PTPRR: variants seen among roughly 807,000 people sequenced by gnomAD.
PTPRR encodes the protein receptor-type tyrosine-protein phosphatase R.
A neutral mutation model predicts 77.2 loss-of-function variants in PTPRR; 38 were observed. The ratio of observed to expected loss-of-function variants is 0.49; its 90% confidence interval spans 0.38 to 0.65. The LOEUF (loss-of-function observed/expected upper bound fraction) is 0.65, where lower values mean the gene tolerates loss of function less well. PTPRR is among the 30% of genes least tolerant of loss of function. The probability of loss-of-function intolerance (pLI) is 0.00; values close to 1 mark genes in which losing one functional copy is unlikely to be tolerated. For missense variants in PTPRR, 744 were observed against 799.2 expected (o/e 0.93, Z 0.83); for synonymous variants, 299 against 283.1 (o/e 1.06, Z -0.57).
Position 70,684,354 on chromosome 12 carries a change from G to C in PTPRR, c.1360-90C>G, listed in dbSNP as rs141944378. 2.3e-3 allele frequency: 3,356 copies of C among 1,428,116 alleles called. 17 individuals are homozygous for C. Among genetic ancestry groups the C allele is most frequent in the African/African-American group, 0.012 (859 of 70,426 alleles). The allele number at this position is 1,428,116 out of a possible 1,614,324, so 88.5% of individuals were successfully genotyped here. Reference sequence around the variant, plus strand: ...TGAAAGATCTTCAACGAAATAGCTGGGCTAGTACAAAAGCAACACAGGTTA... The same window carrying C: ...TGAAAGATCTTCAACGAAATAGCTGCGCTAGTACAAAAGCAACACAGGTTA... On this transcript the variant is annotated intron_variant, in intron 9 of 13. Coordinates refer to ENST00000283228, the MANE Select transcript of PTPRR (RefSeq NM_002849.4).
intron 8 of PTPRR, among the ~76,000 whole-genome samples, chr12:70,688,836 T>C (rs1887960798): frequency 6.6e-6 from 1 of 152,204 alleles, no homozygotes; most frequent in Admixed American, 6.5e-5. Context: ...TCTATATACA[T>C]AATGGAGTTC....
chr12:70,758,690 T>C (rs1281435959), intron 4 of PTPRR, among the ~76,000 whole-genome samples: 1 of 152,210 alleles, frequency 6.6e-6, no homozygotes, highest in East Asian at 1.9e-4. Context: ...GGCCTGGTGG[T>C]TCACCTCCTC....
intron 6 of PTPRR, among the ~76,000 whole-genome samples, chr12:70,729,322 A>ATCTG (rs1420001936): frequency 4.3e-5 from 5 of 116,214 alleles, no homozygotes; most frequent in Non-Finnish European, 7.8e-5. Context: ...ATTTGTATCT[A>ATCTG]TCTGTCTATC....
chr12:70,840,498 CT>C (rs1892378179), intron 2 of PTPRR, among the ~76,000 whole-genome samples: 1 of 152,110 alleles, frequency 6.6e-6, no homozygotes, highest in African/African-American at 2.4e-5. Context: ...ATGTGGACAT[CT>C]TTGTGGGGCC....
At chr12:70,716,145 G>T (rs1889020224) in intron 6 of PTPRR, among the ~76,000 whole-genome samples, 1 of 152,066 alleles carries the variant, frequency 6.6e-6, no homozygotes, top group Non-Finnish European at 1.5e-5. Context: ...ACATAAAGCA[G>T]CCTCTTTACC....
intron 2 of PTPRR, among the ~76,000 whole-genome samples, chr12:70,794,584 A>G (rs1592761482): frequency 2.0e-5 from 3 of 152,176 alleles, no homozygotes; most frequent in African/African-American, 2.4e-5. Context: ...TAACTAACGA[A>G]CACACACAAA....
rs539624170 is a variant in PTPRR, at chr12:70,793,605, C to T, written c.358-28827G>A. ...TGTGAGAAAGTTAGCCAAAGCATTA[C>T]TAGAAAAACACCTGGGAAAGCTTCA... On this transcript the variant is annotated intron_variant, in intron 2 of 13. Coordinates refer to ENST00000283228, the MANE Select transcript of PTPRR (RefSeq NM_002849.4). Among the ~76,000 whole-genome samples the T allele has an allele frequency of 7.9e-5, 12 of 152,230 alleles. No homozygotes were observed. In the East Asian group the frequency reaches 2.3e-3, roughly 29 times the overall value.
chr12:70,807,051 G>A (rs1426219079), intron 2 of PTPRR, among the ~76,000 whole-genome samples: 2 of 152,152 alleles, frequency 1.3e-5, no homozygotes, highest in East Asian at 3.9e-4. Context: ...GAAAGCTTAT[G>A]TTTCCTTATA....
At chr12:70,664,124 C>T (rs1886893025) in intron 10 of PTPRR, among the ~76,000 whole-genome samples, 1 of 152,120 alleles carries the variant, frequency 6.6e-6, no homozygotes, top group Non-Finnish European at 1.5e-5. Flanking sequence ...CATTTTGACC[C>T]TTTTTCTAAA....
chr12:70,652,149 C>G (rs1379098659), intron 13 of PTPRR, among the ~76,000 whole-genome samples: 2 of 152,156 alleles, frequency 1.3e-5, no homozygotes, highest in Non-Finnish European at 2.9e-5. Flanking sequence ...GCTGCAAGTG[C>G]ATAACGGTAG....
At position 70,701,254 on chromosome 12, in the gene PTPRR, T is replaced by A. The variant is rs769981820; in HGVS notation, c.1077A>T (p.Ile359=). 3.7e-6 allele frequency: 6 copies of A among 1,613,938 alleles called. No homozygotes were observed. Among genetic ancestry groups the A allele is most frequent in the Non-Finnish European group, 5.1e-6 (6 of 1,179,912 alleles). Residue 359 remains isoleucine, a synonymous_variant, in exon 7 of 14, where the codon ATA becomes ATT. Transcript: ENST00000283228. ...SLGNIEPFVS[I]PTPREKVAME... ...TTGCTACCTTCTCCCGTGGTGTTGG[T>A]ATAGACACAAAGGGTTCAATGTTCC...
At chr12:70,682,200 C>G (rs1326802404) in intron 10 of PTPRR, among the ~76,000 whole-genome samples, 1 of 151,084 alleles carries the variant, frequency 6.6e-6, no homozygotes, top group Non-Finnish European at 1.5e-5. Flanking sequence ...CCCGCCACCA[C>G]GCCCGGCTAA....
intron 10 of PTPRR, among the ~76,000 whole-genome samples, chr12:70,673,631 T>C (rs11178359): frequency 0.02 from 2,996 of 152,292 alleles, 57 homozygotes; most frequent in African/African-American, 0.046. Context: ...TTATTTGTAA[T>C]AGAAGAAGAA....
chr12:70,663,799 A>G (rs1886880849), intron 10 of PTPRR, among the ~76,000 whole-genome samples: 1 of 152,254 alleles, frequency 6.6e-6, no homozygotes, highest in African/African-American at 2.4e-5. Context: ...ATACATTTAC[A>G]TAGAAATTCT....
chr12:70,883,509 C>T (rs1248442182), intron 2 of PTPRR, among the ~76,000 whole-genome samples: 1 of 152,188 alleles, frequency 6.6e-6, no homozygotes, highest in Non-Finnish European at 1.5e-5. Context: ...AATTTCTCCA[C>T]ATTCCCCCCT....
chr12:70,771,061 G>C (rs900397560), intron 2 of PTPRR, among the ~76,000 whole-genome samples: 18 of 150,634 alleles, frequency 1.2e-4, no homozygotes, highest in Non-Finnish European at 1.2e-4. Context: ...GCTAAATGAC[G>C]AGTCAACGGG....
chr12:70,811,855 T>C (rs1223357061), intron 2 of PTPRR, among the ~76,000 whole-genome samples: 1 of 152,202 alleles, frequency 6.6e-6, no homozygotes, highest in African/African-American at 2.4e-5. Context: ...GCTAAAACAT[T>C]ATTCATTGTG....
intron 2 of PTPRR, among the ~76,000 whole-genome samples, chr12:70,818,787 A>C (rs1412862211): frequency 6.6e-6 from 1 of 151,986 alleles, no homozygotes; most frequent in East Asian, 1.9e-4. Flanking sequence ...AAATAAAAGA[A>C]ATAAATAATG....
intron 2 of PTPRR, among the ~76,000 whole-genome samples, chr12:70,853,218 C>T (rs1287708627): frequency 6.6e-6 from 1 of 152,196 alleles, no homozygotes; most frequent in African/African-American, 2.4e-5. Context: ...TCTCTCCATC[C>T]TTACATCCAC....
Sources: allele counts gnomAD v4.1 joint callset (sites outside exome capture counted in the v4.1 genomes callset), GRCh38; gene constraint gnomAD v4.1.1; transcripts MANE v1.5; gene names NCBI Gene and HGNC (gene_info 2026-07-23, HGNC 2026-07-21).